Variants in GLI2 observed in about 807,000 individuals in gnomAD.
The protein encoded by GLI2 is GLI family zinc finger 2.
In GLI2, 22 loss-of-function variants were observed where a neutral mutation model predicts 78.9. That is an observed-to-expected ratio of 0.28 (90% CI 0.20 to 0.40). The LOEUF (loss-of-function observed/expected upper bound fraction) is 0.40, where lower values mean the gene tolerates loss of function less well. GLI2 is among the 10% of genes least tolerant of loss of function. GLI2 has a pLI of 1.00. For missense variants in GLI2, 2,097 were observed against 2,213.2 expected (o/e 0.95, Z 1.05); for synonymous variants, 974 against 963.7 (o/e 1.01, Z -0.20).
chr2:120,845,658 C>T (rs1275225308), intron 2 of GLI2, among the ~76,000 whole-genome samples: 2 of 152,208 alleles, frequency 1.3e-5, no homozygotes, highest in Admixed American at 6.5e-5. Flanking sequence ...TGACTTGGCT[C>T]ATTCTACCAC....
chr2:120,855,307 G>A (rs948733723), intron 2 of GLI2, among the ~76,000 whole-genome samples: 15 of 152,176 alleles, frequency 9.9e-5, no homozygotes, highest in African/African-American at 2.4e-4. Flanking sequence ...GGTTGTTCTC[G>A]TGCTTGGAGC....
intron 2 of GLI2, among the ~76,000 whole-genome samples, chr2:120,814,532 C>T (rs1404653317): frequency 2.0e-5 from 3 of 152,156 alleles, no homozygotes; most frequent in African/African-American, 4.8e-5. Flanking sequence ...GTCCCATCCT[C>T]CGGCTACAGA....
At chr2:120,843,909 C>T (rs1358006626) in intron 2 of GLI2, among the ~76,000 whole-genome samples, 7 of 152,064 alleles carry the variant, frequency 4.6e-5, no homozygotes, top group Admixed American at 6.6e-5. Context: ...TCAAGTGATC[C>T]GCCCACCTCA....
At chr2:120,881,521 G>A (rs1677123536) in intron 2 of GLI2, among the ~76,000 whole-genome samples, 1 of 133,938 alleles carries the variant, frequency 7.5e-6, no homozygotes, top group South Asian at 2.7e-4. Flanking sequence ...TCAAGGGAGG[G>A]CAGGTGGGAG....
intron 2 of GLI2, among the ~76,000 whole-genome samples, chr2:120,896,638 T>TACACACACAC (rs149519455): frequency 8.4e-6 from 1 of 119,346 alleles, no homozygotes; most frequent in Non-Finnish European, 1.8e-5. Context: ...AAAACACACA[T>TACACACACAC]ACACACACAC....
chr2:120,847,883 G>C (rs1687197748), intron 2 of GLI2, among the ~76,000 whole-genome samples: 2 of 152,188 alleles, frequency 1.3e-5, no homozygotes, highest in Non-Finnish European at 2.9e-5. Flanking sequence ...AGCCGCATGT[G>C]GCTCCAAATC....
intron 3 of GLI2, among the ~76,000 whole-genome samples, chr2:120,938,204 T>C (rs1680286390): frequency 6.6e-6 from 1 of 152,116 alleles, no homozygotes; most frequent in African/African-American, 2.4e-5. Flanking sequence ...CCCAGACACA[T>C]TCCTGGTTCC....
At chr2:120,871,460 C>T (rs976607830) in intron 2 of GLI2, among the ~76,000 whole-genome samples, 27 of 152,244 alleles carry the variant, frequency 1.8e-4, no homozygotes, top group African/African-American at 6.3e-4. Flanking sequence ...CTCCCTCGTC[C>T]CCTCGCCACT....
intron 2 of GLI2, among the ~76,000 whole-genome samples, chr2:120,834,341 C>T (rs1408237827): frequency 1.3e-5 from 2 of 152,158 alleles, no homozygotes; most frequent in Non-Finnish European, 2.9e-5. Context: ...GGGCCAGAAG[C>T]TTAGGGTTGG....
intron 2 of GLI2, among the ~76,000 whole-genome samples, chr2:120,830,035 C>T (rs768696261): frequency 6.6e-6 from 1 of 152,138 alleles, no homozygotes; most frequent in Non-Finnish European, 1.5e-5. Flanking sequence ...TGAGCAGAAG[C>T]GCCTTGGGTG....
intron 2 of GLI2, among the ~76,000 whole-genome samples, chr2:120,804,477 G>A (rs1212522475): frequency 6.6e-6 from 1 of 152,236 alleles, no homozygotes; most frequent in Non-Finnish European, 1.5e-5. Context: ...GCTGGCCGTG[G>A]TCTTTGGCCC....
intron 2 of GLI2, among the ~76,000 whole-genome samples, chr2:120,917,832 C>T (rs1293064660): frequency 6.6e-6 from 1 of 152,228 alleles, no homozygotes; most frequent in East Asian, 1.9e-4. Context: ...AACTCCCAGA[C>T]CACCTTGCAA....
intron 2 of GLI2, among the ~76,000 whole-genome samples, chr2:120,832,249 C>T (rs1340943730): frequency 6.6e-6 from 1 of 152,238 alleles, no homozygotes; most frequent in Non-Finnish European, 1.5e-5. Flanking sequence ...GGCTTATACC[C>T]AGGAGACCTG....
At chr2:120,771,880 CG>C (rs1683532409) in intron 1 of GLI2, among the ~76,000 whole-genome samples, 1 of 152,238 alleles carries the variant, frequency 6.6e-6, no homozygotes, top group African/African-American at 2.4e-5. Context: ...CCAACGCCCA[CG>C]GTGCTTGCAG....
At chr2:120,767,471 A>G (rs1384895285) in intron 1 of GLI2, among the ~76,000 whole-genome samples, 1 of 152,202 alleles carries the variant, frequency 6.6e-6, no homozygotes, top group Non-Finnish European at 1.5e-5. Flanking sequence ...GGGTCAAACA[A>G]TTATGGGTCT....
intron 9 of GLI2, among the ~76,000 whole-genome samples, chr2:120,975,384 G>A (rs975842301): frequency 5.3e-5 from 8 of 152,132 alleles, no homozygotes; most frequent in Non-Finnish European, 1.2e-4. Context: ...AGTGAAACCA[G>A]GAATAGAGTT....
At chr2:120,968,162 G>A (rs1470014244) in intron 5 of GLI2, among the ~76,000 whole-genome samples, 2 of 152,212 alleles carry the variant, frequency 1.3e-5, no homozygotes, top group African/African-American at 2.4e-5. Flanking sequence ...AAGGAGGCCA[G>A]ATATGAAAGA....
At chr2:120,882,382 G>A (rs1200094585) in intron 2 of GLI2, among the ~76,000 whole-genome samples, 3 of 152,232 alleles carry the variant, frequency 2.0e-5, no homozygotes, top group Non-Finnish European at 4.4e-5. Context: ...GGCGTCAGCT[G>A]CTGCCGGCTG....
chr2:120,985,530 C>A lies in GLI2; in HGVS notation c.1906-748C>A, dbSNP rs1011807865. Among the ~76,000 whole-genome samples the A allele has an allele frequency of 3.3e-5, 5 of 152,298 alleles. No homozygotes were observed. The South Asian group carries it at 1.0e-3, about 32-fold the overall frequency. On this transcript the variant is annotated intron_variant, in intron 12 of 13. Coordinates refer to ENST00000361492, the MANE Select transcript of GLI2 (RefSeq NM_001374353.1). The stretch of plus-strand genomic sequence containing the variant: ...GCGCCATGGACAACACCTAGAAGGT[C>A]CCTGCTCCCATTAAGCCTGTGTCCT...
Sources: gnomAD v4.1 joint callset for allele counts (sites outside exome capture counted in the v4.1 genomes callset) on GRCh38, gnomAD v4.1.1 for gene constraint, MANE v1.5 for transcripts, NCBI Gene and HGNC (gene_info 2026-07-23, HGNC 2026-07-21) for gene names.